The following ATP8A2 variants were observed in gnomAD, a reference collection of about 807,000 sequenced individuals.
ATP8A2 encodes the protein phospholipid-transporting ATPase IB.
ATP8A2 carries 100 observed loss-of-function variants against 165.6 expected under a neutral mutation model. The ratio of observed to expected loss-of-function variants is 0.60; its 90% CI spans 0.51 to 0.71. The LOEUF is 0.71. ATP8A2 is among the 30% of genes least tolerant of loss of function. The pLI, the probability that ATP8A2 is intolerant of heterozygous loss-of-function variation, is 0.00. For missense variants in ATP8A2, 1,227 were observed against 1,479.5 expected (o/e 0.83, Z 2.80); for synonymous variants, 543 against 548.8 (o/e 0.99, Z 0.15).
intron 28 of ATP8A2, among the ~76,000 whole-genome samples, chr13:25,831,565 G>T (rs760731477): frequency 1.9e-4 from 29 of 152,072 alleles, no homozygotes; most frequent in Non-Finnish European, 3.7e-4. Flanking sequence ...ACTTGAGGCC[G>T]GGCGTGTTGG....
chr13:25,680,372 A>G (rs1427163685), intron 24 of ATP8A2, among the ~76,000 whole-genome samples: 1 of 152,230 alleles, frequency 6.6e-6, no homozygotes, highest in Non-Finnish European at 1.5e-5. Flanking sequence ...GCCAGTCACC[A>G]GAAGTGGGGA....
chr13:25,519,895 C>T (rs2137835143), intron 2 of ATP8A2, among the ~76,000 whole-genome samples: 1 of 152,254 alleles, frequency 6.6e-6, no homozygotes, highest in Non-Finnish European at 1.5e-5. Context: ...AAAACATCTC[C>T]CATCTTATTA....
At chr13:25,457,095 CA>C (rs765051243) in intron 1 of ATP8A2, among the ~76,000 whole-genome samples, 1 of 152,168 alleles carries the variant, frequency 6.6e-6, no homozygotes, top group African/African-American at 2.4e-5. Context: ...ACGAGTTGGA[CA>C]AGCTTGCTCT....
At chr13:25,756,269 G>A (rs1432737415) in intron 25 of ATP8A2, among the ~76,000 whole-genome samples, 2 of 151,410 alleles carry the variant, frequency 1.3e-5, no homozygotes, top group Non-Finnish European at 2.9e-5. Context: ...GGCAATGGCG[G>A]TGTCCCCATA....
At chr13:25,829,098 T>A (rs1025087042) in intron 28 of ATP8A2, among the ~76,000 whole-genome samples, 6 of 152,216 alleles carry the variant, frequency 3.9e-5, no homozygotes, top group Admixed American at 3.9e-4. Flanking sequence ...CTTTATTGAA[T>A]AACCTCAGTG....
intron 1 of ATP8A2, among the ~76,000 whole-genome samples, chr13:25,426,129 T>G (rs1234495242): frequency 6.6e-6 from 1 of 152,140 alleles, no homozygotes; most frequent in African/African-American, 2.4e-5. Context: ...ATTCTGGTGT[T>G]GCTATAAAGA....
chr13:25,867,665 C>A (rs371312931), intron 33 of ATP8A2, among the ~76,000 whole-genome samples: 2 of 152,186 alleles, frequency 1.3e-5, no homozygotes, highest in Non-Finnish European at 2.9e-5. Context: ...TCCCATCCCC[C>A]CTGCCACAGT....
chr13:25,404,809 A>G (rs1332807524), intron 1 of ATP8A2, among the ~76,000 whole-genome samples: 1 of 151,946 alleles, frequency 6.6e-6, no homozygotes, highest in Non-Finnish European at 1.5e-5. Flanking sequence ...GGAAGGTGAG[A>G]GACTGGAGAG....
chr13:25,676,723 G>C (rs9511872), intron 24 of ATP8A2, among the ~76,000 whole-genome samples: 49,948 of 151,946 alleles, frequency 0.33, 8,624 homozygotes, highest in South Asian at 0.49. Context: ...AACTGTTTTT[G>C]TGTTTGACTT....
At chr13:25,643,623 T>C (rs977552150) in intron 24 of ATP8A2, among the ~76,000 whole-genome samples, 1 of 152,072 alleles carries the variant, frequency 6.6e-6, no homozygotes, top group Non-Finnish European at 1.5e-5. Context: ...TGGTGAGTCT[T>C]TTTTTGTGTG....
At chr13:25,706,959 TA>T (rs1425007992) in intron 25 of ATP8A2, among the ~76,000 whole-genome samples, 1 of 152,212 alleles carries the variant, frequency 6.6e-6, no homozygotes, top group Non-Finnish European at 1.5e-5. Flanking sequence ...ATTGTTATTT[TA>T]TTAAGGATGA....
chr13:25,390,456 A>G (rs549603520), intron 1 of ATP8A2, among the ~76,000 whole-genome samples: 1 of 152,222 alleles, frequency 6.6e-6, no homozygotes, highest in Non-Finnish European at 1.5e-5. Flanking sequence ...GGGATTTTCC[A>G]TCACCCCTAA....
At chr13:25,509,284 C>A (rs1046330244) in intron 2 of ATP8A2, among the ~76,000 whole-genome samples, 7 of 152,080 alleles carry the variant, frequency 4.6e-5, no homozygotes, top group Admixed American at 4.6e-4. Flanking sequence ...ATTTGACAAC[C>A]ATCATAAAAA....
chr13:25,576,599 G>T lies in ATP8A2; in HGVS notation c.1713-470G>T, dbSNP rs183158291. Reference sequence around the variant, plus strand: ...AGAGAGTTCCTTGGTGCTAAATTGGGAGTGTTCTGCGGGTTTGTGATTTCT... The same window carrying T: ...AGAGAGTTCCTTGGTGCTAAATTGGTAGTGTTCTGCGGGTTTGTGATTTCT... On this transcript the variant is annotated intron_variant, in intron 19 of 36. Transcript: ENST00000381655. Among the ~76,000 whole-genome samples the T allele has an allele frequency of 3.7e-3, 558 of 152,204 alleles. 1 individual carries two copies. The highest frequency in any genetic ancestry group is 5.4e-3 in the Non-Finnish European group (370 of 68,012).
chr13:25,812,211 C>T lies in ATP8A2; in HGVS notation c.2680-15907C>T, dbSNP rs377474361. The stretch of plus-strand genomic sequence containing the variant: ...TTCTTTTTGTCTTTTACCCTAACTG[C>T]ATCCCACATTTGTTTAATACTCTCA... On this transcript the variant is annotated intron_variant, in intron 27 of 36. Transcript: ENST00000381655. Among the ~76,000 whole-genome samples the T allele has an allele frequency of 5.9e-5, 9 of 151,654 alleles. No individual in the cohort carries two copies. The South Asian group carries it at 1.0e-3, about 18-fold the overall frequency.
intron 27 of ATP8A2, among the ~76,000 whole-genome samples, chr13:25,779,930 A>G (rs937754796): frequency 6.6e-6 from 1 of 152,206 alleles, no homozygotes; most frequent in African/African-American, 2.4e-5. Flanking sequence ...TAAAGCTCCT[A>G]CACTATTTAA....
In ATP8A2 at chr13:25,531,397, AT is replaced by A. The variant is rs1309929859; in HGVS notation, c.420+739del. Among the ~76,000 whole-genome samples, 248 of 44,384 alleles carry A rather than the reference AT, an allele frequency of 5.6e-3. 2 individuals are homozygous for A. Among genetic ancestry groups the A allele is most frequent in the African/African-American group, 0.017 (117 of 7,070 alleles). 29.1% of individuals were successfully genotyped at this position (44,384 alleles called of 152,430 possible). A position where few individuals can be genotyped will look rare whatever the true frequency, so the allele number is the denominator to read the frequency against. ...ATGTTATATATATGATATATATATG[AT>A]TATATATATGATTATATATATGATA... is the stretch of plus-strand genomic sequence containing the variant. On this transcript the variant is annotated intron_variant, in intron 4 of 36. Coordinates refer to ENST00000381655, the MANE Select transcript of ATP8A2 (RefSeq NM_016529.6).
intron 33 of ATP8A2, among the ~76,000 whole-genome samples, chr13:25,882,947 G>A (rs1329572777): frequency 1.3e-5 from 2 of 148,282 alleles, no homozygotes; most frequent in East Asian, 2.0e-4. Context: ...GATGGTGATG[G>A]TGATGATGGT....
intron 25 of ATP8A2, among the ~76,000 whole-genome samples, chr13:25,721,928 G>A (rs2043390719): frequency 6.6e-6 from 1 of 152,172 alleles, no homozygotes; most frequent in African/African-American, 2.4e-5. Context: ...GTTTTTGCAA[G>A]GATATGTGTT....
Sources: gnomAD v4.1 joint callset for allele counts (sites outside exome capture counted in the v4.1 genomes callset) on GRCh38, gnomAD v4.1.1 for gene constraint, MANE v1.5 for transcripts, NCBI Gene and HGNC (gene_info 2026-07-23, HGNC 2026-07-21) for gene names.